Variants in NCOR1 observed in about 807,000 individuals in gnomAD.
The protein encoded by NCOR1 is nuclear receptor corepressor 1.
NCOR1 carries 63 observed loss-of-function variants against 288.1 expected under a neutral mutation model. The observed-to-expected ratio is 0.22, with a 90% CI of 0.18 to 0.27. The LOEUF (loss-of-function observed/expected upper bound fraction) is 0.27. NCOR1 is among the 10% of genes least tolerant of loss of function. NCOR1 has a pLI of 1.00. For synonymous variants in NCOR1, 1,007 were observed against 1,065.9 expected (o/e 0.94, Z 1.08); for missense variants, 2,397 against 3,019.2 (o/e 0.79, Z 4.83).
chr17:16,209,139 C>G (rs1182893512), intron 1 of NCOR1, among the ~76,000 whole-genome samples: 1 of 151,862 alleles, frequency 6.6e-6, no homozygotes, highest in Non-Finnish European at 1.5e-5. Flanking sequence ...CAAGAGTTCC[C>G]AGAATAAAAA....
intron 41 of NCOR1, among the ~76,000 whole-genome samples, chr17:16,047,811 A>ATTC (rs1282335816): frequency 1.3e-5 from 2 of 152,226 alleles, no homozygotes; most frequent in Middle Eastern, 3.2e-3. Context: ...GGATTCAGTC[A>ATTC]TCATTCAAAC....
At chr17:16,149,579 C>T in intron 8 of NCOR1, 62 bp from the exon 9 acceptor site, 1 of 730,238 alleles carries the variant, frequency 1.4e-6, no homozygotes, top group Non-Finnish European at 2.2e-6. Flanking sequence ...AATGCATTCA[C>T]TTTTTTTCCA....
At chr17:16,152,599 TGCC>T (rs1248215412) in intron 7 of NCOR1, among the ~76,000 whole-genome samples, 1 of 152,220 alleles carries the variant, frequency 6.6e-6, no homozygotes, top group Non-Finnish European at 1.5e-5. Flanking sequence ...TTGTGAATAG[TGCC>T]GCAACAAACA....
chr17:16,174,823 G>C (rs7208681), intron 3 of NCOR1, among the ~76,000 whole-genome samples: 7,520 of 152,096 alleles, frequency 0.049, 222 homozygotes, highest in African/African-American at 0.093. Flanking sequence ...CTTTGAAAAC[G>C]ATCTGGTAGT....
chr17:16,196,151 CAT>C lies in NCOR1; in HGVS notation c.-70-1514_-70-1513del, dbSNP rs914837473. ...TATAATTGTATATATAAAAATATAA[CAT>C]ATATAATTTTATATATATAAAATCT... On this transcript the variant is annotated intron_variant, in intron 1 of 45. Transcript: ENST00000268712. Among the ~76,000 whole-genome samples, 23 of 148,796 alleles carry C rather than the reference CAT, an allele frequency of 1.5e-4. 1 individual carries two copies. Among genetic ancestry groups the C allele is most frequent in the South Asian group, 1.3e-3 (6 of 4,776 alleles).
rs1162768133 is a variant in NCOR1, at chr17:16,071,568, G to A, written c.3993C>T (p.Ala1331=). 1 of 1,614,006 alleles carries A rather than the reference G, an allele frequency of 6.2e-7. No individual in the cohort carries two copies. The highest frequency in any genetic ancestry group is 8.5e-7 in the Non-Finnish European group (1 of 1,180,002). ...ESPPIRAFEG[A]ITKGKPYDGI... is the part of the protein sequence containing the mutation. ...CATCATATGGTTTTCCTTTGGTAATGGCACCTTCAAATGCTCGTATGGGAG... is the reference window on the plus strand; with the variant it reads ...CATCATATGGTTTTCCTTTGGTAATAGCACCTTCAAATGCTCGTATGGGAG... Residue 1331 remains alanine (A), a synonymous_variant, in exon 30 of 46, where the codon GCC becomes GCT. Coordinates refer to ENST00000268712, the MANE Select transcript of NCOR1 (RefSeq NM_006311.4).
At chr17:16,184,563 A>G (rs1378758123) in intron 3 of NCOR1, among the ~76,000 whole-genome samples, 9 of 152,198 alleles carry the variant, frequency 5.9e-5, no homozygotes, top group Admixed American at 5.2e-4. Context: ...TCAAAAGATA[A>G]CAAATATTAA....
At chr17:16,172,116 A>T in intron 3 of NCOR1, 121 bp from the exon 4 acceptor site, 1 of 745,168 alleles carries the variant, frequency 1.3e-6, no homozygotes, top group East Asian at 2.9e-5. Context: ...TTCAAAGTGA[A>T]TCCGTACCCC....
At chr17:16,139,675 A>G (rs2076892075) in intron 11 of NCOR1, among the ~76,000 whole-genome samples, 1 of 152,214 alleles carries the variant, frequency 6.6e-6, no homozygotes, top group Admixed American at 6.5e-5. Flanking sequence ...AACTCACTTT[A>G]CTATTAAACG....
intron 3 of NCOR1, among the ~76,000 whole-genome samples, chr17:16,182,078 C>A (rs1241325931): frequency 1.3e-5 from 2 of 152,040 alleles, no homozygotes; most frequent in African/African-American, 4.8e-5. Flanking sequence ...TTGGAAGGCA[C>A]TCAGAGAATT....
In NCOR1 at chr17:16,032,068, T is replaced by C. The variant is rs1972109562; in HGVS notation, c.*228A>G. 6.1e-6 allele frequency: 3 copies of C among 495,466 alleles called. No homozygotes were observed. The highest frequency in any genetic ancestry group is 5.7e-5 in the South Asian group (2 of 35,084). The allele number at this position is 495,466 out of a possible 1,614,324, so 30.7% of individuals were successfully genotyped here. A position where few individuals can be genotyped will look rare whatever the true frequency, so the allele number is the denominator to read the frequency against. On this transcript the variant is annotated 3_prime_UTR_variant, in exon 46 of 46. Coordinates refer to ENST00000268712, the MANE Select transcript of NCOR1 (RefSeq NM_006311.4). ...TCTACATCTCAACCCTCCACTATTA[T>C]TATAGTCCACTGAATTGCCTGTATC... is the stretch of plus-strand genomic sequence containing the variant.
chr17:16,049,045 TA>T, intron 40 of NCOR1, 57 bp from the exon 41 acceptor site: 1 of 1,470,154 alleles, frequency 6.8e-7, no homozygotes, highest in Non-Finnish European at 9.1e-7. Flanking sequence ...GGGACTTACC[TA>T]AACAGAAACT....
chr17:16,131,688 T>A (rs922689222), intron 14 of NCOR1, among the ~76,000 whole-genome samples: 2 of 152,194 alleles, frequency 1.3e-5, no homozygotes, highest in Non-Finnish European at 2.9e-5. Context: ...CTTAAGCCTA[T>A]CTTATCAAAA....
Position 16,177,766 on chromosome 17 carries a change from G to C in NCOR1, c.243-5771C>G, listed in dbSNP as rs141545394. Among the ~76,000 whole-genome samples, 829 of 152,256 alleles carry C rather than the reference G, an allele frequency of 5.4e-3. 8 individuals are homozygous for C. The highest frequency in any genetic ancestry group is 0.019 in the African/African-American group (780 of 41,528). ...CAACTGTCCTTTCTGCAGCTGTTGA[G>C]AAACCAGGATGGCATAATGGGAATT... is the stretch of plus-strand genomic sequence containing the variant. On this transcript the variant is annotated intron_variant, in intron 3 of 45. Coordinates refer to ENST00000268712, the MANE Select transcript of NCOR1 (RefSeq NM_006311.4).
chr17:16,070,731 T>G (rs1309270543), intron 30 of NCOR1, among the ~76,000 whole-genome samples: 1 of 152,108 alleles, frequency 6.6e-6, no homozygotes, highest in Non-Finnish European at 1.5e-5. Flanking sequence ...GAAAACCTGA[T>G]GATAAGAAGT....
Position 16,065,634 on chromosome 17 carries a change from T to C in NCOR1, c.4802A>G (p.Tyr1601Cys). The change falls in exon 33 of 46, where the codon TAT becomes TGT. Residue 1601 changes from tyrosine to cysteine, a missense_variant. Physicochemically the swap from Tyr to Cys is radical, Grantham distance 194. Around this residue, in one of 11 missense-constraint regions of NCOR1, gnomAD observed 1,872 missense variants for 2,187.8 expected, o/e 0.86. Coordinates refer to ENST00000268712, the MANE Select transcript of NCOR1 (RefSeq NM_006311.4). ...LSPTPGYPSQYQLYAMENTRQ... is the reference protein window; with the variant it reads ...LSPTPGYPSQCQLYAMENTRQ... ...TGTGTTCTCCATTGCGTAAAGCTGA[T>C]ACTGACTTGGGTAACCTGGAGTTGG... is the stretch of plus-strand genomic sequence containing the variant. 6.2e-7 allele frequency: 1 copy of C among 1,614,230 alleles called. No individual in the cohort carries two copies. The highest frequency in any genetic ancestry group is 8.5e-7 in the Non-Finnish European group (1 of 1,180,040).
chr17:16,095,079 G>A (rs560014105), intron 21 of NCOR1, among the ~76,000 whole-genome samples: 2 of 150,730 alleles, frequency 1.3e-5, no homozygotes, highest in South Asian at 4.2e-4. Context: ...TGGAAAGTGA[G>A]GAGCGTCTCT....
intron 1 of NCOR1, among the ~76,000 whole-genome samples, chr17:16,195,269 G>A (rs1366283243): frequency 2.0e-5 from 3 of 152,068 alleles, no homozygotes; most frequent in Non-Finnish European, 2.9e-5. Context: ...TCAGAAGTTC[G>A]AGACCAGCCT....
intron 15 of NCOR1, among the ~76,000 whole-genome samples, chr17:16,124,535 T>C (rs1182477299): frequency 1.3e-5 from 2 of 152,342 alleles, no homozygotes; most frequent in South Asian, 2.1e-4. Flanking sequence ...AACTGGTGAA[T>C]TTTGTTCCAT....
Sources: allele counts gnomAD v4.1 joint callset (sites outside exome capture counted in the v4.1 genomes callset), GRCh38; gene constraint gnomAD v4.1.1; regional missense constraint gnomAD v4.1.1; transcripts MANE v1.5; gene names NCBI Gene and HGNC (gene_info 2026-07-23, HGNC 2026-07-21).